PIWIL4: variants seen among roughly 807,000 people sequenced by gnomAD.
PIWIL4 encodes the protein piwi-like protein 4.
A neutral mutation model predicts 100.9 loss-of-function variants in PIWIL4; 50 were observed. The ratio of observed to expected loss-of-function variants is 0.50; its 90% CI spans 0.39 to 0.63. The LOEUF (loss-of-function observed/expected upper bound fraction) is 0.63, where lower values mean the gene tolerates loss of function less well. PIWIL4 is among the 20% of genes least tolerant of loss of function. The pLI is 0.00. For missense variants in PIWIL4, 887 were observed against 1,043.3 expected (o/e 0.85, Z 2.06); for synonymous variants, 342 against 367.5 (o/e 0.93, Z 0.79).
rs201643431 is a variant in PIWIL4, at chr11:94,587,035, T to C, written c.717-15T>C. 2.4e-3 allele frequency: 3,805 copies of C among 1,582,612 alleles called. 8 individuals are homozygous for C. Among genetic ancestry groups the C allele is most frequent in the Non-Finnish European group, 2.7e-3 (3,176 of 1,155,722 alleles). On this transcript the variant is annotated splice_polypyrimidine_tract_variant and intron_variant, in intron 6 of 19. Transcript: ENST00000299001. ...ACATTGACAATATTCCTTTTTTTCT[T>C]TTTTGTTTTTAAAGATTATCCCTTT...
chr11:94,579,670 T>G (rs1023352060), intron 4 of PIWIL4, among the ~76,000 whole-genome samples: 4 of 152,248 alleles, frequency 2.6e-5, no homozygotes, highest in African/African-American at 9.6e-5. Flanking sequence ...CTTGAGTGAT[T>G]GTTGCATTGG....
chr11:94,579,502 C>A (rs1311868673), intron 4 of PIWIL4, among the ~76,000 whole-genome samples: 2 of 152,098 alleles, frequency 1.3e-5, no homozygotes, highest in East Asian at 3.9e-4. Context: ...AAATCTTAGT[C>A]CCTTGGTTCA....
chr11:94,612,733 A>G lies in PIWIL4; in HGVS notation c.1944-3760A>G, dbSNP rs373236608. ...TATGGATTTTTGCTTCATAATTACC[A>G]TGAGTCTTACATAAAACATCTTATG... On this transcript the variant is annotated intron_variant, in intron 15 of 19. Transcript: ENST00000299001. Among the ~76,000 whole-genome samples the G allele has an allele frequency of 7.9e-5, 12 of 152,194 alleles. No individual in the cohort carries two copies. The South Asian group carries it at 2.1e-3, about 26-fold the overall frequency.
intron 10 of PIWIL4, among the ~76,000 whole-genome samples, 159 bp from the exon 11 acceptor site, chr11:94,597,645 A>G (rs2135276491): frequency 6.6e-6 from 1 of 152,316 alleles, no homozygotes; most frequent in East Asian, 1.9e-4. Context: ...AACATCCCAA[A>G]TGAGCACAGT....
chr11:94,608,117 C>T (rs1948744727), intron 14 of PIWIL4: 1 of 177,670 alleles, frequency 5.6e-6, no homozygotes, highest in Admixed American at 5.5e-5. Flanking sequence ...TTGCCCATTT[C>T]CTTACATGTC....
At chr11:94,602,682 A>C (rs1482175548) in intron 12 of PIWIL4, among the ~76,000 whole-genome samples, 1 of 152,346 alleles carries the variant, frequency 6.6e-6, no homozygotes, top group South Asian at 2.1e-4. Context: ...TGAAACTGAT[A>C]TGCTTAGAAA....
intron 15 of PIWIL4, among the ~76,000 whole-genome samples, chr11:94,614,874 A>G (rs909300817): frequency 5.3e-5 from 8 of 152,162 alleles, no homozygotes; most frequent in Non-Finnish European, 1.2e-4. Context: ...AGAGGCTCTC[A>G]TCTGTTTTCC....
Position 94,620,868 on chromosome 11 carries a change from C to A in PIWIL4, c.2443-8C>A, listed in dbSNP as rs183596017. The A allele has an allele frequency of 4.9e-4, 774 of 1,595,278 alleles. 1 individual carries two copies. The highest frequency in any genetic ancestry group is 4.5e-4 in the Non-Finnish European group (523 of 1,167,254). On this transcript the variant is annotated splice_region_variant and splice_polypyrimidine_tract_variant and intron_variant, in intron 19 of 19. Transcript: ENST00000299001. The stretch of plus-strand genomic sequence containing the variant: ...TCTTAATTATTATCAATACTTTTTT[C>A]TCCTCAGGGCATAGTCAGTGTCCCA...
At chr11:94,610,118 G>A (rs1440902215) in intron 15 of PIWIL4, among the ~76,000 whole-genome samples, 1 of 152,112 alleles carries the variant, frequency 6.6e-6, no homozygotes, top group Non-Finnish European at 1.5e-5. Flanking sequence ...ATAAGTGATC[G>A]TACAGTATGT....
intron 11 of PIWIL4, among the ~76,000 whole-genome samples, chr11:94,599,964 A>T (rs1234236469): frequency 6.6e-6 from 1 of 152,172 alleles, no homozygotes; most frequent in African/African-American, 2.4e-5. Flanking sequence ...GCAGTGCTCA[A>T]GCTGCTGGTC....
chr11:94,592,810 G>T (rs1356587080), intron 8 of PIWIL4, among the ~76,000 whole-genome samples: 1 of 152,172 alleles, frequency 6.6e-6, no homozygotes, highest in Non-Finnish European at 1.5e-5. Flanking sequence ...GTTTAGGATG[G>T]TAAAGGGAGA....
Position 94,608,679 on chromosome 11 carries a change from A to G in PIWIL4, c.1936A>G (p.Ile646Val). 6.2e-7 allele frequency: 1 copy of G among 1,613,828 alleles called. No homozygotes were observed. Among genetic ancestry groups the G allele is most frequent in the Non-Finnish European group, 8.5e-7 (1 of 1,179,682 alleles). The change falls in exon 15 of 20, where the codon ATC becomes GTC. Residue 646 changes from isoleucine to valine, a missense_variant. Ile to Val is a conservative substitution (Grantham distance 29, BLOSUM62 3). Coordinates refer to ENST00000299001, the MANE Select transcript of PIWIL4 (RefSeq NM_152431.3). ...VGCVASVNPRITRWFSRCILQ... is the reference protein window; with the variant it reads ...VGCVASVNPRVTRWFSRCILQ... ...ATGCGTGGCCAGTGTTAACCCCAGA[A>G]TCACCAGGTACTGCTAAAACTACCT...
chr11:94,601,549 A>G (rs961012103), intron 11 of PIWIL4, among the ~76,000 whole-genome samples: 8 of 152,232 alleles, frequency 5.3e-5, no homozygotes, highest in Non-Finnish European at 7.3e-5. Context: ...GCAGAGAATC[A>G]TGAGGTTAAA....
intron 10 of PIWIL4, 29 bp downstream of exon 10, chr11:94,595,455 G>A (rs1948544181): frequency 6.4e-7 from 1 of 1,567,822 alleles, no homozygotes; most frequent in South Asian, 1.1e-5. Context: ...CATCCTTCCT[G>A]GGGCTGAGTT....
chr11:94,584,654 C>T (rs147095153), intron 5 of PIWIL4, among the ~76,000 whole-genome samples: 48 of 152,280 alleles, frequency 3.2e-4, no homozygotes, highest in African/African-American at 6.3e-4. Context: ...AGTTGAAACG[C>T]GTTTCCTGAC....
At chr11:94,594,298 C>G (rs1344466841) in intron 9 of PIWIL4, among the ~76,000 whole-genome samples, 2 of 151,848 alleles carry the variant, frequency 1.3e-5, no homozygotes, top group Non-Finnish European at 2.9e-5. Context: ...GAAACCCCAT[C>G]TCTATTAAAA....
At position 94,592,199 on chromosome 11, in the gene PIWIL4, A is replaced by G. The variant is rs59334360; in HGVS notation, c.1027-1319A>G. 2.8e-4 allele frequency among the ~76,000 whole-genome samples: 42 copies of G among 152,342 alleles called. No individual in the cohort carries two copies. In the East Asian group the frequency reaches 7.5e-3, roughly 27 times the overall value. Reference sequence around the variant, plus strand: ...TAATAAGCAGAGTCTTAACAGATCAATCCTAGCTGTGCTAATTTCCAGTTA... The same window carrying G: ...TAATAAGCAGAGTCTTAACAGATCAGTCCTAGCTGTGCTAATTTCCAGTTA... On this transcript the variant is annotated intron_variant, in intron 8 of 19. Transcript: ENST00000299001.
chr11:94,585,741 C>T (rs1948390487), intron 6 of PIWIL4, among the ~76,000 whole-genome samples: 1 of 152,076 alleles, frequency 6.6e-6, no homozygotes, highest in African/African-American at 2.4e-5. Flanking sequence ...AGATAATTAT[C>T]ACAAATCCTA....
chr11:94,591,462 G>C (rs1194213592), intron 8 of PIWIL4, among the ~76,000 whole-genome samples: 2 of 152,202 alleles, frequency 1.3e-5, no homozygotes, highest in African/African-American at 4.8e-5. Context: ...GTATTCCTTG[G>C]AGAGCAAGGA....
Sources: gnomAD v4.1 joint callset for allele counts (sites outside exome capture counted in the v4.1 genomes callset) on GRCh38, gnomAD v4.1.1 for gene constraint, MANE v1.5 for transcripts, NCBI Gene and HGNC (gene_info 2026-07-23, HGNC 2026-07-21) for gene names.